The following DNAJC13 variants were observed in gnomAD, a reference collection of about 807,000 sequenced individuals.
DNAJC13 encodes dnaJ homolog subfamily C member 13.
In DNAJC13, 75 loss-of-function variants were observed where a neutral mutation model predicts 290.5. The observed-to-expected ratio is 0.26, with a 90% CI of 0.21 to 0.31. DNAJC13 has a LOEUF of 0.31. Among genes scored for constraint, DNAJC13 ranks in the 10% least tolerant of loss-of-function variants. The probability of loss-of-function intolerance (pLI) is 1.00; values close to 1 mark genes in which losing one functional copy is unlikely to be tolerated. For missense variants in DNAJC13, 2,260 were observed against 2,674.5 expected, an observed-to-expected ratio of 0.85 and a Z score of 3.42; for synonymous variants, 862 against 892.0, an observed-to-expected ratio of 0.97 and a Z score of 0.60.
At chr3:132,428,924 G>A (rs951797796) in intron 1 of DNAJC13, among the ~76,000 whole-genome samples, 7 of 151,868 alleles carry the variant, frequency 4.6e-5, no homozygotes, top group Admixed American at 2.6e-4. Flanking sequence ...TAGTAGAGAC[G>A]GGGTTTCACC....
chr3:132,444,109 C>T (rs72992317), intron 2 of DNAJC13, among the ~76,000 whole-genome samples: 2,304 of 152,220 alleles, frequency 0.015, 55 homozygotes, highest in African/African-American at 0.052. Flanking sequence ...CCAGCATTAC[C>T]GCCTGAGCTC....
rs1936668884 is a variant in DNAJC13, at chr3:132,538,552, C to A, written c.*270C>A. ...ACATTTGTTCCTTTATATCTGTTTA[C>A]AAAACTGTGAATCAAAAAGACAAAA... On this transcript the variant is annotated 3_prime_UTR_variant, in exon 56 of 56. Coordinates refer to ENST00000260818, the MANE Select transcript of DNAJC13 (RefSeq NM_015268.4). 1.2e-5 allele frequency: 3 copies of A among 255,906 alleles called. No individual in the cohort carries two copies. The allele number at this position is 255,906 out of a possible 1,614,324, so 15.9% of individuals were successfully genotyped here.
In DNAJC13 at chr3:132,491,051, G is replaced by A; in HGVS notation, c.3623G>A (p.Arg1208Lys). 6.3e-7 allele frequency: 1 copy of A among 1,596,658 alleles called. No individual in the cohort carries two copies. The highest frequency in any genetic ancestry group is 1.4e-5 in the African/African-American group (1 of 73,908). The part of the protein sequence containing the change: ...TPEAIWSSEM[R>K]RLMIEKIAAH... ...GAAGCAATCTGGAGCAGTGAAATGAGGTAAATAACCAGTTGACTGATTGAT... is the reference window on the plus strand; with the variant it reads ...GAAGCAATCTGGAGCAGTGAAATGAAGTAAATAACCAGTTGACTGATTGAT... Residue 1208 changes from arginine (R) to lysine (K), a missense_variant and splice_region_variant, in exon 32 of 56, where the codon AGG becomes AAG. Physicochemically the swap from Arg to Lys is conservative, Grantham distance 26 (BLOSUM62 2). This residue lies in a region of DNAJC13 where 1,494 missense variants were observed against 1,693.7 expected (regional missense o/e 0.88). Transcript: ENST00000260818.
chr3:132,523,192 A>G lies in DNAJC13; in HGVS notation c.5879A>G (p.Asn1960Ser). Reference sequence around the variant, plus strand: ...AATCAGCAGGACAACCCTGAGGCAAACTGGAAGGTAAAATATACTTTTATT... The same window carrying G: ...AATCAGCAGGACAACCCTGAGGCAAGCTGGAAGGTAAAATATACTTTTATT... Reference protein sequence around the residue: ...FKNQQDNPEANWKLPEDFAVV... With the variant: ...FKNQQDNPEASWKLPEDFAVV... Residue 1960 changes from asparagine (N) to serine (S), a missense_variant, in exon 50 of 56, where the codon AAC becomes AGC. By Grantham distance (46) the Asn-to-Ser change is conservative. Transcript: ENST00000260818. The G allele has an allele frequency of 1.2e-6, 2 of 1,613,826 alleles. No homozygotes were observed. Among genetic ancestry groups the G allele is most frequent in the Middle Eastern group, 1.7e-4 (1 of 6,060 alleles).
chr3:132,517,952 G>A (rs990795803), intron 48 of DNAJC13, among the ~76,000 whole-genome samples: 1 of 152,208 alleles, frequency 6.6e-6, no homozygotes, highest in African/African-American at 2.4e-5. Flanking sequence ...ACATTTGGAA[G>A]CCTACAGGAG....
rs111901920 is a variant in DNAJC13 at position 132,516,424 on chromosome 3, C to G, written c.5488C>G (p.Arg1830Gly). ...LALLHSLPSS[R>G]QLVLETLYAL... ...TTGAAATGTCTTTTACTCTGCAGGTCGTCAGCTTGTTCTGGAAACTCTTTA... is the reference window on the plus strand; with the variant it reads ...TTGAAATGTCTTTTACTCTGCAGGTGGTCAGCTTGTTCTGGAAACTCTTTA... Residue 1830 changes from arginine (R) to glycine (G), a missense_variant and splice_region_variant, in exon 47 of 56, where the codon CGT (arginine) becomes GGT (glycine). Arg to Gly is a moderately radical substitution (Grantham distance 125). This residue lies in a region of DNAJC13 where 1,494 missense variants were observed against 1,693.7 expected (regional missense o/e 0.88). Transcript: ENST00000260818. 4 of 1,613,558 alleles carry G rather than the reference C, an allele frequency of 2.5e-6. No homozygotes were observed. The highest frequency in any genetic ancestry group is 3.4e-6 in the Non-Finnish European group (4 of 1,179,676).
chr3:132,466,156 G>A, intron 18 of DNAJC13, 86 bp downstream of exon 18: 2 of 1,422,894 alleles, frequency 1.4e-6, no homozygotes, highest in South Asian at 2.4e-5. Context: ...GGGATGGTTT[G>A]TTTTTTATTG....
chr3:132,434,582 C>T lies in DNAJC13; in HGVS notation c.32C>T (p.Ala11Val), dbSNP rs1939330373. The T allele has an allele frequency of 6.2e-7, 1 of 1,611,380 alleles. No individual in the cohort carries two copies. The highest frequency in any genetic ancestry group is 1.1e-5 in the South Asian group (1 of 90,802). MNIIRENKDL[A>V]CFYTTKHSWR... is the part of the protein sequence containing the mutation. ...ATAATTAGGGAAAATAAGGATCTGG[C>T]ATGTTTCTACACAACAAAACATTCA... is the stretch of plus-strand genomic sequence containing the variant. Residue 11 changes from alanine to valine, a missense_variant, in exon 2 of 56, where the codon GCA becomes GTA. Transcript: ENST00000260818.
chr3:132,453,153 A>G (rs907025563), intron 6 of DNAJC13, 145 bp from the exon 7 acceptor site: 2 of 659,232 alleles, frequency 3.0e-6, no homozygotes, highest in Middle Eastern at 4.3e-4. Context: ...TAGTCTTTTC[A>G]TTGAAACAAC....
chr3:132,463,909 C>A, intron 17 of DNAJC13, 92 bp downstream of exon 17: 1 of 1,358,628 alleles, frequency 7.4e-7, no homozygotes, highest in Non-Finnish European at 1.0e-6. Context: ...TTGTATTACA[C>A]AAATAATACA....
rs1351574097 is a variant in DNAJC13 at position 132,503,271 on chromosome 3, T to C, written c.4774T>C (p.Tyr1592His). ...SVHALSRLGG[Y>H]LAEEQATPEN... Reference sequence around the variant, plus strand: ...CCATGCTCTGAGTCGCCTTGGAGGGTATTTGGCTGAAGAACAAGCAACTCC... The same window carrying C: ...CCATGCTCTGAGTCGCCTTGGAGGGCATTTGGCTGAAGAACAAGCAACTCC... The change falls in exon 41 of 56, where the codon TAT becomes CAT. Residue 1592 changes from tyrosine to histidine, a missense_variant. By Grantham distance (83) the Tyr-to-His change is moderately conservative. Coordinates refer to ENST00000260818, the MANE Select transcript of DNAJC13 (RefSeq NM_015268.4). 1 of 1,613,908 alleles carries C rather than the reference T, an allele frequency of 6.2e-7. No homozygotes were observed. Among genetic ancestry groups the C allele is most frequent in the South Asian group, 1.1e-5 (1 of 91,060 alleles).
In DNAJC13 at chr3:132,490,950, A is replaced by G. The variant is rs751164165; in HGVS notation, c.3522A>G (p.Glu1174=). 1.2e-6 allele frequency: 2 copies of G among 1,612,202 alleles called. No individual in the cohort carries two copies. Among genetic ancestry groups the G allele is most frequent in the East Asian group, 4.5e-5 (2 of 44,812 alleles). The change falls in exon 32 of 56, where the codon GAA becomes GAG. Residue 1174 remains glutamate (E), a synonymous_variant. Transcript: ENST00000260818. The part of the protein sequence containing the change: ...QRSILGHILP[E]AMVCYLENYE... ...GTATACTTGGGCACATTCTACCTGA[A>G]GCAATGGTTTGTTACTTAGAAAATT...
chr3:132,440,936 T>C (rs915491964), intron 2 of DNAJC13, among the ~76,000 whole-genome samples: 2 of 152,208 alleles, frequency 1.3e-5, no homozygotes, highest in Non-Finnish European at 2.9e-5. Flanking sequence ...CTGTAGTGCC[T>C]CCTTTACCAA....
chr3:132,537,614 C>G (rs140516641), intron 55 of DNAJC13, among the ~76,000 whole-genome samples: 1 of 152,238 alleles, frequency 6.6e-6, no homozygotes, highest in Non-Finnish European at 1.5e-5. Flanking sequence ...TACCCTTTCA[C>G]ATAGCATTCT....
intron 32 of DNAJC13, 34 bp from the exon 33 acceptor site, chr3:132,492,380 C>A (rs1303311685): frequency 5.0e-6 from 8 of 1,605,118 alleles, no homozygotes; most frequent in Non-Finnish European, 6.8e-6. Context: ...AATAATACCT[C>A]ATAAAGCTTG....
At chr3:132,523,459 T>G in intron 50 of DNAJC13, 81 bp from the exon 51 acceptor site, 2 of 1,462,256 alleles carry the variant, frequency 1.4e-6, no homozygotes, top group Non-Finnish European at 1.9e-6. Context: ...GTTAACATTA[T>G]AAACAATTCT....
chr3:132,518,616 A>G (rs977647955), intron 48 of DNAJC13, among the ~76,000 whole-genome samples: 3 of 152,142 alleles, frequency 2.0e-5, no homozygotes, highest in Non-Finnish European at 4.4e-5. Flanking sequence ...CTTGGCCTCC[A>G]AAAGTGCTGG....
At chr3:132,532,912 A>AATTGTTATTATTATTATTATTATT (rs1553753687) in intron 55 of DNAJC13, among the ~76,000 whole-genome samples, 11 of 141,846 alleles carry the variant, frequency 7.8e-5, no homozygotes, top group African/African-American at 3.0e-4. Flanking sequence ...TAATTTTTGT[A>AATTGTTATTATTATTATTATTATT]ATTATTATTA....
intron 31 of DNAJC13, 85 bp downstream of exon 31, chr3:132,489,106 A>G: frequency 1.9e-6 from 2 of 1,076,908 alleles, no homozygotes; most frequent in Non-Finnish European, 2.8e-6. Flanking sequence ...TATTATGTTT[A>G]CTAGATTATA....
Sources: allele counts gnomAD v4.1 joint callset (sites outside exome capture counted in the v4.1 genomes callset), GRCh38; gene constraint gnomAD v4.1.1; regional missense constraint gnomAD v4.1.1; transcripts MANE v1.5; gene names NCBI Gene and HGNC (gene_info 2026-07-23, HGNC 2026-07-21).